The following ARHGAP12 variants were observed in gnomAD, a reference collection of about 807,000 sequenced individuals.
ARHGAP12 encodes the protein rho GTPase-activating protein 12.
A neutral mutation model predicts 108.6 loss-of-function variants in ARHGAP12; 64 were observed. That is an observed-to-expected ratio of 0.59 (90% CI 0.48 to 0.73). The LOEUF (loss-of-function observed/expected upper bound fraction) is 0.73, where lower values mean the gene tolerates loss of function less well. Ranked by LOEUF, ARHGAP12 falls within the 30% of genes least tolerant of loss-of-function variation. ARHGAP12 has a pLI of 0.00. For missense variants in ARHGAP12, 940 were observed against 1,005.9 expected, an observed-to-expected ratio of 0.93 and a Z score of 0.89; for synonymous variants, 312 against 337.2, an observed-to-expected ratio of 0.93 and a Z score of 0.82.
intron 1 of ARHGAP12, among the ~76,000 whole-genome samples, chr10:31,919,108 G>C (rs1336937053): frequency 6.6e-6 from 1 of 152,130 alleles, no homozygotes; most frequent in African/African-American, 2.4e-5. Context: ...TTATGCTTAG[G>C]GAAATCGCCA....
chr10:31,857,057 A>G (rs868621205), intron 4 of ARHGAP12, among the ~76,000 whole-genome samples: 1 of 151,952 alleles, frequency 6.6e-6, no homozygotes, highest in Non-Finnish European at 1.5e-5. Context: ...TAGGGAATAA[A>G]GCATTATCTG....
intron 3 of ARHGAP12, among the ~76,000 whole-genome samples, chr10:31,907,509 C>T (rs184386738): frequency 4.9e-4 from 75 of 151,602 alleles, no homozygotes; most frequent in African/African-American, 1.7e-3. Context: ...TGGCACACAC[C>T]TGTAGTACCA....
At chr10:31,842,559 C>A (rs1006905710) in intron 7 of ARHGAP12, among the ~76,000 whole-genome samples, 4 of 151,934 alleles carry the variant, frequency 2.6e-5, no homozygotes, top group Non-Finnish European at 2.9e-5. Context: ...TCAACAAAGA[C>A]CAATTTTATA....
intron 1 of ARHGAP12, 69 bp from the exon 2 acceptor site, chr10:31,910,632 T>C (rs561621821): frequency 1.3e-5 from 2 of 152,340 alleles, no homozygotes; most frequent in Non-Finnish European, 2.9e-5. Context: ...TAATGTTGCT[T>C]ACATTTTTAA....
chr10:31,908,926 G>C lies in ARHGAP12; in HGVS notation c.-71C>G, dbSNP rs145555778. The C allele has an allele frequency of 1.6e-3, 2,231 of 1,355,036 alleles. 26 individuals are homozygous for C. The African/African-American group carries it at 0.027, about 17-fold the overall frequency. 83.9% of individuals were successfully genotyped at this position (1,355,036 alleles called of 1,614,324 possible). A position where few individuals can be genotyped will look rare whatever the true frequency, so the allele number is the denominator to read the frequency against. On this transcript the variant is annotated splice_region_variant and 5_prime_UTR_variant, in exon 3 of 20. Coordinates refer to ENST00000344936, the MANE Select transcript of ARHGAP12 (RefSeq NM_018287.7). ...CTTTATGGCTTGTTGGATGAATATA[G>C]CTGTTTTATTTAAATGGAGAAAGAG...
At chr10:31,831,434 A>G (rs866778937) in intron 10 of ARHGAP12, among the ~76,000 whole-genome samples, 126 of 152,240 alleles carry the variant, frequency 8.3e-4, no homozygotes, top group African/African-American at 2.6e-3. Context: ...TTTTCACTCA[A>G]TACTTAGTCT....
intron 3 of ARHGAP12, among the ~76,000 whole-genome samples, chr10:31,896,745 A>C (rs1838716644): frequency 6.6e-6 from 1 of 152,190 alleles, no homozygotes; most frequent in Admixed American, 6.6e-5. Flanking sequence ...TCAACTGTAG[A>C]ACTTCCTATT....
chr10:31,851,905 T>A (rs1264278594), intron 6 of ARHGAP12, among the ~76,000 whole-genome samples: 1 of 152,186 alleles, frequency 6.6e-6, no homozygotes, highest in Non-Finnish European at 1.5e-5. Flanking sequence ...AATGCACCAA[T>A]TAAAATTCAA....
At chr10:31,905,826 T>C (rs1314750423) in intron 3 of ARHGAP12, among the ~76,000 whole-genome samples, 1 of 149,644 alleles carries the variant, frequency 6.7e-6, no homozygotes, top group African/African-American at 2.6e-5. Context: ...GGTGTATTTA[T>C]AGATCTGATG....
chr10:31,822,649 T>A (rs1835457639), intron 11 of ARHGAP12, among the ~76,000 whole-genome samples: 1 of 152,212 alleles, frequency 6.6e-6, no homozygotes, highest in Non-Finnish European at 1.5e-5. Context: ...TCAGGCCCTT[T>A]ACGATCTTGA....
rs961127730 is a variant in ARHGAP12, at chr10:31,839,659, G to C, written c.1349C>G (p.Ser450Cys). ...AACTGTATCTTGGTGCTTTGGTGAG[G>C]AGGGAGAAGACTCATTTTCAGGAAA... ...PCFPENESSP[S>C]SPKHQDTASS... Residue 450 changes from serine (S) to cysteine (C), a missense_variant, in exon 8 of 20, where the codon TCC (serine) becomes TGC (cysteine). Physicochemically the swap from Ser to Cys is moderately radical, Grantham distance 112. Transcript: ENST00000344936. 2 of 1,608,182 alleles carry C rather than the reference G, an allele frequency of 1.2e-6. No individual in the cohort carries two copies. Among genetic ancestry groups the C allele is most frequent in the African/African-American group, 2.7e-5 (2 of 74,818 alleles).
intron 9 of ARHGAP12, among the ~76,000 whole-genome samples, chr10:31,835,807 G>A (rs2132217485): frequency 6.6e-6 from 1 of 152,250 alleles, no homozygotes; most frequent in Admixed American, 6.5e-5. Flanking sequence ...TCCATACATA[G>A]AAACAGAATG....
intron 9 of ARHGAP12, among the ~76,000 whole-genome samples, chr10:31,832,807 ATGTC>A (rs1260807581): frequency 2.0e-5 from 3 of 152,114 alleles, no homozygotes; most frequent in African/African-American, 7.2e-5. Flanking sequence ...TTTTTTACCA[ATGTC>A]TGAAAGTTTC....
intron 1 of ARHGAP12, among the ~76,000 whole-genome samples, chr10:31,912,603 T>C (rs1459414186): frequency 2.0e-5 from 3 of 152,096 alleles, no homozygotes; most frequent in Non-Finnish European, 4.4e-5. Context: ...CAATGAGAAG[T>C]AGGAGGGCAA....
intron 3 of ARHGAP12, among the ~76,000 whole-genome samples, chr10:31,889,800 T>C (rs1838344617): frequency 2.6e-5 from 4 of 151,512 alleles, no homozygotes; most frequent in Non-Finnish European, 4.4e-5. Flanking sequence ...ACCAGACTGG[T>C]CTTGAACTCC....
intron 3 of ARHGAP12, among the ~76,000 whole-genome samples, chr10:31,868,996 T>A (rs948129357): frequency 6.6e-6 from 1 of 152,144 alleles, no homozygotes; most frequent in Admixed American, 6.5e-5. Context: ...TGAGTGCGCT[T>A]AGGGCAAACT....
intron 1 of ARHGAP12, among the ~76,000 whole-genome samples, chr10:31,913,930 T>G (rs544967570): frequency 8.5e-5 from 13 of 152,252 alleles, no homozygotes; most frequent in African/African-American, 2.9e-4. Flanking sequence ...ACTAACCTTC[T>G]TGGTATAGCA....
At chr10:31,827,008 T>A (rs904626453) in intron 10 of ARHGAP12, 1 of 152,190 alleles carries the variant, frequency 6.6e-6, no homozygotes, top group Admixed American at 6.5e-5. Context: ...GGAAAGGGAA[T>A]CCCATTTCTT....
Position 31,911,284 on chromosome 10 carries a change from A to C in ARHGAP12, c.-110-721T>G, listed in dbSNP as rs1476738266. 2.0e-5 allele frequency among the ~76,000 whole-genome samples: 3 copies of C among 152,176 alleles called. No homozygotes were observed. The East Asian group carries it at 5.8e-4, about 29-fold the overall frequency. ...GGTGATCCGCCTGCCTCAGCCTCCC[A>C]AAGTGAGGGGATTATAGGCATGAGC... On this transcript the variant is annotated intron_variant, in intron 1 of 19. Coordinates refer to ENST00000344936, the MANE Select transcript of ARHGAP12 (RefSeq NM_018287.7).
Sources: allele counts gnomAD v4.1 joint callset (sites outside exome capture counted in the v4.1 genomes callset), GRCh38; gene constraint gnomAD v4.1.1; transcripts MANE v1.5; gene names NCBI Gene and HGNC (gene_info 2026-07-23, HGNC 2026-07-21).